Variants in KCND2 observed in about 807,000 individuals in gnomAD.
KCND2 encodes potassium voltage-gated channel subfamily D member 2, also known as A-type voltage-gated potassium channel KCND2.
Under a neutral mutation model 54.4 loss-of-function variants are expected in KCND2, and 16 were observed. The ratio of observed to expected loss-of-function variants is 0.29; its 90% CI spans 0.20 to 0.45. KCND2 has a LOEUF of 0.45. Ranked by LOEUF, KCND2 falls within the 20% of genes least tolerant of loss-of-function variation. The probability of loss-of-function intolerance (pLI) is 1.00; values close to 1 mark genes in which losing one functional copy is unlikely to be tolerated. For synonymous variants in KCND2, 317 were observed against 310.7 expected (o/e 1.02, Z -0.21); for missense variants, 486 against 824.2 (o/e 0.59, Z 5.02).
At chr7:120,691,673 C>T (rs1792270817) in intron 1 of KCND2, among the ~76,000 whole-genome samples, 2 of 151,916 alleles carry the variant, frequency 1.3e-5, no homozygotes, top group African/African-American at 4.8e-5. Flanking sequence ...GTCTAGAACC[C>T]GAGGAAGAGG....
intron 1 of KCND2, among the ~76,000 whole-genome samples, chr7:120,531,296 A>G (rs1791840115): frequency 6.6e-6 from 1 of 152,088 alleles, no homozygotes; most frequent in Admixed American, 6.6e-5. Flanking sequence ...TAAGTTTATA[A>G]TTCTTCCACC....
chr7:120,544,843 T>G (rs897722285), intron 1 of KCND2, among the ~76,000 whole-genome samples: 6 of 151,904 alleles, frequency 3.9e-5, no homozygotes, highest in African/African-American at 1.2e-4. Context: ...CTGGTTTTCT[T>G]GGGAAATTAA....
intron 1 of KCND2, among the ~76,000 whole-genome samples, chr7:120,432,234 C>T (rs1801801184): frequency 6.6e-6 from 1 of 152,178 alleles, no homozygotes; most frequent in African/African-American, 2.4e-5. Flanking sequence ...CCCCTCAAGA[C>T]ATATTCTAGT....
At chr7:120,553,125 G>A (rs1434070510) in intron 1 of KCND2, among the ~76,000 whole-genome samples, 3 of 152,032 alleles carry the variant, frequency 2.0e-5, no homozygotes, top group Non-Finnish European at 4.4e-5. Flanking sequence ...ACAACCAAAA[G>A]CCTGTATTCT....
rs918777775 is a variant in KCND2, at chr7:120,747,783, C to T, written c.1818C>T (p.Thr606=). ...AIISIPTPPV[T]TPEGDDRPES... is the part of the protein sequence containing the mutation. Reference sequence around the variant, plus strand: ...TAAGCATCCCAACACCTCCAGTAACCACACCAGAAGGAGACGATAGGCCAG... The same window carrying T: ...TAAGCATCCCAACACCTCCAGTAACTACACCAGAAGGAGACGATAGGCCAG... Residue 606 remains threonine (T), a synonymous_variant, in exon 6 of 6, where the codon ACC becomes ACT. Transcript: ENST00000331113. The T allele has an allele frequency of 6.2e-7, 1 of 1,612,528 alleles. No individual in the cohort carries two copies. The highest frequency in any genetic ancestry group is 8.5e-7 in the Non-Finnish European group (1 of 1,178,906).
intron 1 of KCND2, among the ~76,000 whole-genome samples, chr7:120,300,978 C>G (rs1799578484): frequency 6.6e-6 from 1 of 152,058 alleles, no homozygotes; most frequent in Middle Eastern, 3.4e-3. Context: ...GAAAGGGGCC[C>G]ACAAAGGTAA....
intron 1 of KCND2, among the ~76,000 whole-genome samples, chr7:120,352,623 A>G (rs1800431697): frequency 6.6e-6 from 1 of 152,100 alleles, no homozygotes; most frequent in African/African-American, 2.4e-5. Context: ...AATGTGTTTT[A>G]AAAAGTGAGC....
chr7:120,425,299 A>G (rs1165971546), intron 1 of KCND2, among the ~76,000 whole-genome samples: 1 of 152,224 alleles, frequency 6.6e-6, no homozygotes, highest in African/African-American at 2.4e-5. Context: ...GGAAAGATAT[A>G]TTGGAATGAA....
intron 1 of KCND2, among the ~76,000 whole-genome samples, chr7:120,688,554 A>G (rs1017411852): frequency 2.6e-5 from 4 of 152,176 alleles, no homozygotes; most frequent in Non-Finnish European, 5.9e-5. Context: ...CTGACATCGC[A>G]CAGATAATTT....
intron 1 of KCND2, among the ~76,000 whole-genome samples, chr7:120,438,578 T>G (rs1563046189): frequency 1.3e-5 from 2 of 152,194 alleles, no homozygotes; most frequent in Non-Finnish European, 2.9e-5. Flanking sequence ...AATAATTTGA[T>G]AGGCACTAAT....
At chr7:120,326,194 C>A (rs912398407) in intron 1 of KCND2, among the ~76,000 whole-genome samples, 1 of 151,940 alleles carries the variant, frequency 6.6e-6, no homozygotes, top group Non-Finnish European at 1.5e-5. Flanking sequence ...GGACTAATGA[C>A]GAATGTACCT....
intron 1 of KCND2, among the ~76,000 whole-genome samples, chr7:120,506,055 C>T (rs1241477609): frequency 6.6e-6 from 1 of 151,418 alleles, no homozygotes; most frequent in Non-Finnish European, 1.5e-5. Flanking sequence ...TAATTTTAAA[C>T]CATTTAAGGA....
chr7:120,604,951 T>C (rs546605666), intron 1 of KCND2, among the ~76,000 whole-genome samples: 5 of 152,322 alleles, frequency 3.3e-5, no homozygotes, highest in African/African-American at 1.2e-4. Flanking sequence ...AATTTTCTCC[T>C]CTCCTGAAGT....
intron 1 of KCND2, among the ~76,000 whole-genome samples, chr7:120,424,338 C>T (rs147832448): frequency 2.0e-4 from 31 of 152,132 alleles, no homozygotes; most frequent in African/African-American, 6.7e-4. Context: ...TGAACTAAAA[C>T]GACATGAGAT....
chr7:120,395,063 T>G (rs754334168), intron 1 of KCND2, among the ~76,000 whole-genome samples: 3 of 152,038 alleles, frequency 2.0e-5, no homozygotes, highest in Non-Finnish European at 4.4e-5. Context: ...CCCCAAACAT[T>G]TATATGCTGG....
At chr7:120,414,964 C>G (rs1801504616) in intron 1 of KCND2, among the ~76,000 whole-genome samples, 1 of 152,066 alleles carries the variant, frequency 6.6e-6, no homozygotes, top group Non-Finnish European at 1.5e-5. Flanking sequence ...TCCCAATTTC[C>G]CTTGCCCCAT....
At chr7:120,400,784 A>G (rs1801240966) in intron 1 of KCND2, among the ~76,000 whole-genome samples, 1 of 152,086 alleles carries the variant, frequency 6.6e-6, no homozygotes, top group Non-Finnish European at 1.5e-5. Context: ...TAACAAGGAC[A>G]CCAGTGTTTC....
intron 1 of KCND2, among the ~76,000 whole-genome samples, chr7:120,340,970 A>T (rs999721587): frequency 1.3e-5 from 2 of 152,212 alleles, no homozygotes; most frequent in African/African-American, 4.8e-5. Flanking sequence ...GCAAAGAAAA[A>T]GAAGTAATTC....
intron 1 of KCND2, among the ~76,000 whole-genome samples, chr7:120,593,790 C>T (rs568776916): frequency 6.6e-6 from 1 of 152,092 alleles, no homozygotes; most frequent in Non-Finnish European, 1.5e-5. Context: ...CCCTTACCCA[C>T]TTCATTAGAA....
Sources: allele counts gnomAD v4.1 joint callset (sites outside exome capture counted in the v4.1 genomes callset), GRCh38; gene constraint gnomAD v4.1.1; transcripts MANE v1.5; gene names NCBI Gene and HGNC (gene_info 2026-07-23, HGNC 2026-07-21).